Variants in NKAIN2 observed in about 807,000 individuals in gnomAD.
NKAIN2 encodes the protein sodium/potassium transporting ATPase interacting 2, also known as sodium/potassium-transporting ATPase subunit beta-1-interacting protein 2.
A neutral mutation model predicts 32.6 loss-of-function variants in NKAIN2; 14 were observed. The ratio of observed to expected loss-of-function variants is 0.43; its 90% CI spans 0.28 to 0.67. The LOEUF (loss-of-function observed/expected upper bound fraction) is 0.67. Ranked by LOEUF, NKAIN2 falls within the 30% of genes least tolerant of loss-of-function variation. NKAIN2 has a pLI of 0.17. For synonymous variants in NKAIN2, 80 were observed against 87.2 expected, an observed-to-expected ratio of 0.92 and a Z score of 0.46; for missense variants, 198 against 258.3, an observed-to-expected ratio of 0.77 and a Z score of 1.60.
chr6:124,635,285 A>G (rs1010772266), intron 3 of NKAIN2, among the ~76,000 whole-genome samples: 2 of 152,072 alleles, frequency 1.3e-5, no homozygotes, highest in Non-Finnish European at 2.9e-5. Flanking sequence ...TTATGAAAAC[A>G]TACAAAAGTA....
At chr6:124,542,747 T>C (rs1187646326) in intron 3 of NKAIN2, among the ~76,000 whole-genome samples, 1 of 152,162 alleles carries the variant, frequency 6.6e-6, no homozygotes, top group African/African-American at 2.4e-5. Context: ...ACCTGTTGGC[T>C]TCAGAATTGT....
At chr6:124,184,304 G>C (rs1789599028) in intron 1 of NKAIN2, among the ~76,000 whole-genome samples, 1 of 151,212 alleles carries the variant, frequency 6.6e-6, no homozygotes, top group African/African-American at 2.4e-5. Context: ...AGATCTCAAG[G>C]GCTCCCAGAC....
intron 3 of NKAIN2, among the ~76,000 whole-genome samples, chr6:124,483,216 G>C (rs1777525908): frequency 6.6e-6 from 1 of 152,018 alleles, no homozygotes; most frequent in South Asian, 2.1e-4. Flanking sequence ...CTATTATAAT[G>C]AATCTATCAA....
At chr6:123,999,261 C>T (rs76218787) in intron 1 of NKAIN2, among the ~76,000 whole-genome samples, 1 of 152,090 alleles carries the variant, frequency 6.6e-6, no homozygotes, top group East Asian at 1.9e-4. Context: ...AAAATGAGAT[C>T]CTGACATTAT....
At chr6:124,706,274 A>G (rs1775057709) in intron 4 of NKAIN2, among the ~76,000 whole-genome samples, 2 of 152,126 alleles carry the variant, frequency 1.3e-5, no homozygotes, top group Admixed American at 1.3e-4. Flanking sequence ...CCTAGGTAAT[A>G]TTATTATCTC....
intron 1 of NKAIN2, among the ~76,000 whole-genome samples, chr6:124,232,019 T>C (rs982252297): frequency 6.6e-6 from 1 of 152,178 alleles, no homozygotes; most frequent in Non-Finnish European, 1.5e-5. Flanking sequence ...ATATTCAGAA[T>C]TTTAAACTCC....
intron 1 of NKAIN2, among the ~76,000 whole-genome samples, chr6:123,856,349 G>A (rs561098709): frequency 1.0e-3 from 153 of 152,198 alleles, no homozygotes; most frequent in African/African-American, 3.6e-3. Flanking sequence ...CCTCAGTCTT[G>A]TAATATTTGT....
chr6:124,602,623 C>T (rs1303714361), intron 3 of NKAIN2, among the ~76,000 whole-genome samples: 1 of 151,878 alleles, frequency 6.6e-6, no homozygotes, highest in African/African-American at 2.4e-5. Context: ...AGACCAGCAA[C>T]TATGAACGTG....
chr6:124,000,905 G>A (rs1035417600), intron 1 of NKAIN2, among the ~76,000 whole-genome samples: 8 of 152,020 alleles, frequency 5.3e-5, no homozygotes, highest in Admixed American at 1.3e-4. Flanking sequence ...GTGATTCTTT[G>A]GTTAATTGTC....
intron 1 of NKAIN2, among the ~76,000 whole-genome samples, chr6:123,898,356 T>A (rs1406428099): frequency 6.6e-6 from 1 of 152,240 alleles, no homozygotes; most frequent in East Asian, 1.9e-4. Flanking sequence ...ACCCTCATTC[T>A]GGTTTAGGAT....
chr6:124,615,689 C>G (rs1220238574), intron 3 of NKAIN2, among the ~76,000 whole-genome samples: 2 of 146,754 alleles, frequency 1.4e-5, no homozygotes, highest in Non-Finnish European at 3.0e-5. Context: ...TTTTCTGACC[C>G]TTTCTGTCTT....
At chr6:123,819,186 G>C (rs932646221) in intron 1 of NKAIN2, among the ~76,000 whole-genome samples, 1 of 152,170 alleles carries the variant, frequency 6.6e-6, no homozygotes, top group Non-Finnish European at 1.5e-5. Flanking sequence ...CTCGTTAATA[G>C]ATAATCTGCA....
intron 1 of NKAIN2, among the ~76,000 whole-genome samples, chr6:124,232,768 T>A (rs1792526839): frequency 6.6e-6 from 1 of 152,196 alleles, no homozygotes; most frequent in Non-Finnish European, 1.5e-5. Flanking sequence ...AAAAATGATC[T>A]TGGTTTGAGG....
chr6:124,374,326 G>A (rs774384693), intron 3 of NKAIN2, among the ~76,000 whole-genome samples: 10 of 152,032 alleles, frequency 6.6e-5, no homozygotes, highest in South Asian at 2.1e-4. Context: ...AAATGGAAAA[G>A]TGTATATGAA....
chr6:124,537,866 C>T (rs1779774183), intron 3 of NKAIN2, among the ~76,000 whole-genome samples: 2 of 152,178 alleles, frequency 1.3e-5, no homozygotes, highest in Middle Eastern at 3.2e-3. Flanking sequence ...GAGTTTCACA[C>T]TGCTACATCT....
intron 1 of NKAIN2, among the ~76,000 whole-genome samples, chr6:124,015,110 G>C (rs1434879595): frequency 6.6e-6 from 1 of 152,146 alleles, no homozygotes; most frequent in East Asian, 1.9e-4. Flanking sequence ...AGAGTGTAAA[G>C]GGCATGTGCT....
At position 124,450,491 on chromosome 6, in the gene NKAIN2, C is replaced by T. The variant is rs138869644; in HGVS notation, c.273+95144C>T. On this transcript the variant is annotated intron_variant, in intron 3 of 6. Coordinates refer to ENST00000368417, the MANE Select transcript of NKAIN2 (RefSeq NM_001040214.3). ...TCTGAACATTAATAATCCAAATCAA[C>T]ACTGCCATAATAATACTGTTTTTTA... Among the ~76,000 whole-genome samples, 753 of 151,964 alleles carry T rather than the reference C, an allele frequency of 5.0e-3. 6 individuals are homozygous for T. Among genetic ancestry groups the T allele is most frequent in the African/African-American group, 0.017 (689 of 41,518 alleles).
At chr6:124,710,970 G>A (rs1407897017) in intron 4 of NKAIN2, among the ~76,000 whole-genome samples, 7 of 149,402 alleles carry the variant, frequency 4.7e-5, no homozygotes, top group African/African-American at 1.5e-4. Context: ...GGCTGGTACG[G>A]GTTGTTCCTT....
chr6:124,542,242 T>C (rs1456565842), intron 3 of NKAIN2, among the ~76,000 whole-genome samples: 1 of 152,104 alleles, frequency 6.6e-6, no homozygotes, highest in Non-Finnish European at 1.5e-5. Context: ...TAAATAAAAC[T>C]GGAATTTAAG....
Sources: allele counts gnomAD v4.1 joint callset (sites outside exome capture counted in the v4.1 genomes callset), GRCh38; gene constraint gnomAD v4.1.1; transcripts MANE v1.5; gene names NCBI Gene and HGNC (gene_info 2026-07-23, HGNC 2026-07-21).